The following RICTOR variants were observed in gnomAD, a reference collection of about 807,000 sequenced individuals.
RICTOR encodes RPTOR independent companion of MTOR complex 2.
RICTOR carries 49 observed loss-of-function variants against 214.9 expected under a neutral mutation model. That is an observed-to-expected ratio of 0.23 (90% CI 0.18 to 0.29). The LOEUF (loss-of-function observed/expected upper bound fraction) is 0.29, where lower values mean the gene tolerates loss of function less well. RICTOR is among the 10% of genes least tolerant of loss of function. The probability of loss-of-function intolerance (pLI) is 1.00; values close to 1 mark genes in which losing one functional copy is unlikely to be tolerated. For synonymous variants in RICTOR, 717 were observed against 711.3 expected (o/e 1.01, Z -0.13); for missense variants, 1,625 against 2,047.0 (o/e 0.79, Z 3.98).
At chr5:38,944,663 C>T (rs890642532) in intron 35 of RICTOR, 94 bp from the exon 36 acceptor site, 24 of 1,138,794 alleles carry the variant, frequency 2.1e-5, no homozygotes, top group Non-Finnish European at 3.0e-5. Context: ...ACCTAAAGAC[C>T]TAGAGATCAA....
intron 3 of RICTOR, among the ~76,000 whole-genome samples, chr5:39,008,201 C>T (rs1754219375): frequency 6.6e-6 from 1 of 151,898 alleles, no homozygotes; most frequent in African/African-American, 2.4e-5. Flanking sequence ...AAAGGATATA[C>T]ATCAAAATTT....
At chr5:39,055,676 A>C (rs1452006657) in intron 2 of RICTOR, among the ~76,000 whole-genome samples, 1 of 152,158 alleles carries the variant, frequency 6.6e-6, no homozygotes, top group African/African-American at 2.4e-5. Flanking sequence ...AATTGTAAGA[A>C]AGGTAAAATG....
At chr5:38,955,518 C>T (rs545588354) in intron 26 of RICTOR, 77 bp downstream of exon 26, 121 of 800,054 alleles carry the variant, frequency 1.5e-4, no homozygotes, top group South Asian at 6.7e-4. Flanking sequence ...ATGTTAGAAG[C>T]AGAATATACA....
intron 3 of RICTOR, among the ~76,000 whole-genome samples, chr5:39,015,793 G>T (rs1384779713): frequency 1.3e-5 from 2 of 152,056 alleles, no homozygotes; most frequent in African/African-American, 4.8e-5. Context: ...AACCAAACAT[G>T]AGGTTGAATC....
At chr5:38,977,956 A>G (rs1751381914) in intron 9 of RICTOR, among the ~76,000 whole-genome samples, 1 of 152,180 alleles carries the variant, frequency 6.6e-6, no homozygotes, top group Admixed American at 6.5e-5. Context: ...GTTTATGTCT[A>G]CATTAAACTC....
At chr5:39,050,138 A>C (rs1757743456) in intron 2 of RICTOR, among the ~76,000 whole-genome samples, 1 of 151,676 alleles carries the variant, frequency 6.6e-6, no homozygotes, top group African/African-American at 2.4e-5. Flanking sequence ...CCCAAAAGGA[A>C]GGTGATCTAG....
In RICTOR at chr5:39,013,576, T is replaced by C. The variant is rs572256155; in HGVS notation, c.195+7463A>G. ...AGGTAGTTCTAAATGCTACTCCCAT[T>C]TTACTTGTATTACTCTGAAGGTTAA... On this transcript the variant is annotated intron_variant, in intron 3 of 37. Coordinates refer to ENST00000357387, the MANE Select transcript of RICTOR (RefSeq NM_152756.5). 3.9e-5 allele frequency among the ~76,000 whole-genome samples: 6 copies of C among 152,248 alleles called. No individual in the cohort carries two copies. In the East Asian group the frequency reaches 1.2e-3, roughly 29 times the overall value.
At chr5:39,028,175 C>CTTTTTTTTTTTTTT (rs70982535) in intron 2 of RICTOR, among the ~76,000 whole-genome samples, 1 of 78,404 alleles carries the variant, frequency 1.3e-5, no homozygotes, top group African/African-American at 5.2e-5. Context: ...AACTGGAATT[C>CTTTTTTTTTTTTTT]TTTTTTTTTT....
chr5:38,953,023 T>C lies in RICTOR; in HGVS notation c.2859A>G (p.Leu953=), dbSNP rs781007774. The C allele has an allele frequency of 1.4e-5, 22 of 1,610,300 alleles. No homozygotes were observed. The highest frequency in any genetic ancestry group is 1.7e-5 in the Admixed American group (1 of 59,872). The change falls in exon 29 of 38, where the codon CTA becomes CTG. Residue 953 remains leucine (L), a synonymous_variant. Transcript: ENST00000357387. ...GAACTTCACACTGTTTTGCAAGTTTTAGTATATCTGGAATCACGTTTTCTT... is the reference window on the plus strand; with the variant it reads ...GAACTTCACACTGTTTTGCAAGTTTCAGTATATCTGGAATCACGTTTTCTT... ...LQEENVIPDI[L]KLAKQCEVLS... is the part of the protein sequence containing the mutation.
intron 30 of RICTOR, among the ~76,000 whole-genome samples, chr5:38,951,620 G>A (rs1292283844): frequency 6.6e-6 from 1 of 151,944 alleles, no homozygotes; most frequent in African/African-American, 2.4e-5. Context: ...GAAATACACA[G>A]TCTGATAAAG....
intron 36 of RICTOR, among the ~76,000 whole-genome samples, chr5:38,943,858 C>G (rs1314257083): frequency 6.6e-6 from 1 of 151,840 alleles, no homozygotes; most frequent in Non-Finnish European, 1.5e-5. Flanking sequence ...TGCAGGAGAC[C>G]CTGAGGTGCA....
chr5:38,990,753 T>TCA (rs1228236206), intron 7 of RICTOR, among the ~76,000 whole-genome samples, 196 bp downstream of exon 7: 2,699 of 101,674 alleles, frequency 0.027, 205 homozygotes, highest in Non-Finnish European at 0.04. Context: ...ATGAGATATA[T>TCA]GATATATATG....
chr5:39,061,673 C>T (rs777233096), intron 2 of RICTOR, among the ~76,000 whole-genome samples: 1 of 151,038 alleles, frequency 6.6e-6, no homozygotes. Flanking sequence ...GAATTCCTCC[C>T]GGAATCAAAA....
At chr5:38,959,656 A>T in intron 21 of RICTOR, 123 bp downstream of exon 21, 1 of 647,310 alleles carries the variant, frequency 1.5e-6, no homozygotes, top group Non-Finnish European at 2.7e-6. Context: ...TAAAGCAAAG[A>T]TAATGCTAAT....
chr5:39,002,293 G>A (rs949858679), intron 5 of RICTOR, among the ~76,000 whole-genome samples: 1 of 151,904 alleles, frequency 6.6e-6, no homozygotes, highest in African/African-American at 2.4e-5. Context: ...AGTCTGCAAT[G>A]GGAAAAGTCA....
intron 2 of RICTOR, among the ~76,000 whole-genome samples, chr5:39,056,432 A>T (rs1292118829): frequency 1.3e-5 from 2 of 152,104 alleles, no homozygotes; most frequent in East Asian, 3.9e-4. Context: ...CCCACGATTC[A>T]AGACAAGCCT....
In RICTOR at chr5:38,944,549, C is replaced by A; in HGVS notation, c.4810G>T (p.Asp1604Tyr). Residue 1604 changes from aspartate (D) to tyrosine (Y), a missense_variant, in exon 36 of 38, where the codon GAT becomes TAT. Asp to Tyr is a radical substitution (Grantham distance 160). Coordinates refer to ENST00000357387, the MANE Select transcript of RICTOR (RefSeq NM_152756.5). ...LLLGVKTIPD[D>Y]TPMCRILLRK... ...AGGAGTATACGGCACATTGGTGTAT[C>A]ATCTGGAATTGTTTTAACACCTGAA... The A allele has an allele frequency of 1.2e-6, 2 of 1,601,712 alleles. No individual in the cohort carries two copies. Among genetic ancestry groups the A allele is most frequent in the South Asian group, 1.1e-5 (1 of 88,378 alleles).
chr5:39,042,722 A>C (rs1397214169), intron 2 of RICTOR, among the ~76,000 whole-genome samples: 2 of 152,216 alleles, frequency 1.3e-5, no homozygotes, highest in Admixed American at 6.5e-5. Context: ...CAAATACCTA[A>C]AACAATGGTT....
At chr5:39,004,885 G>A (rs1213188102) in intron 3 of RICTOR, among the ~76,000 whole-genome samples, 1 of 148,198 alleles carries the variant, frequency 6.7e-6, no homozygotes, top group Non-Finnish European at 1.5e-5. Flanking sequence ...ACGTTCAAGC[G>A]ATTCCCCTGC....
Sources: allele counts gnomAD v4.1 joint callset (sites outside exome capture counted in the v4.1 genomes callset), GRCh38; gene constraint gnomAD v4.1.1; transcripts MANE v1.5; gene names NCBI Gene and HGNC (gene_info 2026-07-23, HGNC 2026-07-21).